EIF4G3: variants seen among roughly 807,000 people sequenced by gnomAD.
The protein encoded by EIF4G3 is eukaryotic translation initiation factor 4 gamma 3.
Under a neutral mutation model 186.4 loss-of-function variants are expected in EIF4G3, and 34 were observed. The ratio of observed to expected loss-of-function variants is 0.18; its 90% confidence interval spans 0.14 to 0.24. The LOEUF (loss-of-function observed/expected upper bound fraction) is 0.24, where lower values mean the gene tolerates loss of function less well. Among genes scored for constraint, EIF4G3 ranks in the 10% least tolerant of loss-of-function variants. The pLI is 1.00. For synonymous variants in EIF4G3, 673 were observed against 679.5 expected (o/e 0.99, Z 0.15); for missense variants, 1,536 against 1,948.5 (o/e 0.79, Z 3.99).
chr1:21,008,120 G>A (rs966128264), intron 4 of EIF4G3, among the ~76,000 whole-genome samples: 1 of 152,244 alleles, frequency 6.6e-6, no homozygotes, highest in East Asian at 1.9e-4. Context: ...CAGCCTGGGC[G>A]ACAGAGTGAG....
At chr1:20,845,402 C>T (rs1042328488) in intron 29 of EIF4G3, among the ~76,000 whole-genome samples, 2 of 152,166 alleles carry the variant, frequency 1.3e-5, no homozygotes, top group Non-Finnish European at 2.9e-5. Flanking sequence ...GTGGCTCACG[C>T]CTGTAATCCC....
intron 20 of EIF4G3, among the ~76,000 whole-genome samples, chr1:20,870,072 A>G (rs982246612): frequency 7.7e-6 from 1 of 129,890 alleles, no homozygotes; most frequent in African/African-American, 2.7e-5. Context: ...ATCTCTGATC[A>G]TTTTTTCTTC....
intron 14 of EIF4G3, among the ~76,000 whole-genome samples, chr1:20,934,674 A>AC (rs2095459672): frequency 2.6e-5 from 4 of 152,084 alleles, no homozygotes; most frequent in South Asian, 2.1e-4. Context: ...ACACCACTGT[A>AC]AGTGGTGTGA....
chr1:20,845,759 G>T (rs980960682), intron 29 of EIF4G3, among the ~76,000 whole-genome samples: 13 of 151,972 alleles, frequency 8.6e-5, no homozygotes, highest in Admixed American at 4.6e-4. Context: ...TGTTCTTTTT[G>T]CTTACGACTG....
rs558575220 is a variant in EIF4G3, at chr1:21,087,345, G to A, written c.-196+1793C>T. ...CTTTTAAATTTTCTTTCATATGGCT[G>A]GGCATGGTGGCTCACGCCTGTAATC... On this transcript the variant is annotated intron_variant, in intron 3 of 36. Transcript: ENST00000602326. 5.2e-4 allele frequency among the ~76,000 whole-genome samples: 79 copies of A among 152,236 alleles called. 1 individual carries two copies. In the South Asian group the frequency reaches 0.012, roughly 24 times the overall value.
intron 2 of EIF4G3, among the ~76,000 whole-genome samples, chr1:21,118,851 A>C (rs962110383): frequency 2.0e-5 from 3 of 148,644 alleles, no homozygotes; most frequent in African/African-American, 7.4e-5. Flanking sequence ...CTATAGTTCC[A>C]GCTATAGGTG....
intron 30 of EIF4G3, among the ~76,000 whole-genome samples, chr1:20,835,903 C>T (rs751399556): frequency 4.4e-4 from 66 of 151,696 alleles, no homozygotes; most frequent in Admixed American, 6.6e-4. Context: ...AGCCACTGCA[C>T]TCCAACCTGG....
chr1:20,876,222 C>CAAA lies in EIF4G3; in HGVS notation c.2622+3098_2622+3100dup, dbSNP rs34150070. Among the ~76,000 whole-genome samples the CAAA allele has an allele frequency of 1.1e-3, 16 of 13,990 alleles. 1 individual carries two copies. Among genetic ancestry groups the CAAA allele is most frequent in the African/African-American group, 1.8e-3 (8 of 4,418 alleles). 9.2% of individuals were successfully genotyped at this position (13,990 alleles called of 152,430 possible). On this transcript the variant is annotated intron_variant, in intron 20 of 36. Transcript: ENST00000602326. ...TGGGATATAGAGTGAGAGCCTGTCT[C>CAAA]AAAAAAAAAAAAAAAAAAAAAAAAA...
intron 2 of EIF4G3, among the ~76,000 whole-genome samples, chr1:21,133,151 T>C (rs879719874): frequency 6.6e-6 from 1 of 152,172 alleles, no homozygotes; most frequent in Non-Finnish European, 1.5e-5. Context: ...TAAACAAAAA[T>C]GACAATGTAG....
chr1:20,929,967 A>G (rs909522525), intron 14 of EIF4G3, among the ~76,000 whole-genome samples: 2 of 152,228 alleles, frequency 1.3e-5, no homozygotes, highest in African/African-American at 4.8e-5. Flanking sequence ...AATGAAGTTA[A>G]TATTGCAATA....
intron 20 of EIF4G3, among the ~76,000 whole-genome samples, chr1:20,870,915 C>T (rs573163593): frequency 9.2e-5 from 14 of 152,156 alleles, no homozygotes; most frequent in African/African-American, 3.4e-4. Flanking sequence ...TATGGTATGC[C>T]TTAGTAGAGC....
chr1:20,856,096 T>C (rs1199026600), intron 25 of EIF4G3, among the ~76,000 whole-genome samples: 1 of 152,208 alleles, frequency 6.6e-6, no homozygotes, highest in East Asian at 1.9e-4. Context: ...ACTCAAATTG[T>C]ATTCAGCAAT....
intron 4 of EIF4G3, 131 bp downstream of exon 4, chr1:21,050,735 G>A: frequency 3.4e-6 from 2 of 584,304 alleles, no homozygotes; most frequent in South Asian, 2.1e-5. Context: ...AGTCTGAAAA[G>A]ATGCCAAAGA....
At chr1:21,002,990 C>T (rs202194813) in intron 4 of EIF4G3, among the ~76,000 whole-genome samples, 182 bp from the exon 5 acceptor site, 4 of 141,192 alleles carry the variant, frequency 2.8e-5, no homozygotes, top group Non-Finnish European at 3.1e-5. Flanking sequence ...CCTTTTCTTT[C>T]TTTTTTTTTT....
chr1:21,067,332 C>T (rs966761879), intron 3 of EIF4G3, among the ~76,000 whole-genome samples: 1 of 151,890 alleles, frequency 6.6e-6, no homozygotes, highest in Non-Finnish European at 1.5e-5. Context: ...GGGTTTTCAC[C>T]GTGTTGGCCA....
chr1:21,009,445 T>C (rs1435558720), intron 4 of EIF4G3, among the ~76,000 whole-genome samples: 1 of 150,470 alleles, frequency 6.6e-6, no homozygotes, highest in African/African-American at 2.5e-5. Context: ...CCTCCCAAAG[T>C]GTTGGGATTA....
At chr1:21,143,052 C>T (rs1049480243) in intron 2 of EIF4G3, among the ~76,000 whole-genome samples, 2 of 151,994 alleles carry the variant, frequency 1.3e-5, no homozygotes, top group Non-Finnish European at 2.9e-5. Context: ...AGTTCAAGAC[C>T]AGCCTGACCA....
At chr1:21,008,203 A>G (rs2154569552) in intron 4 of EIF4G3, among the ~76,000 whole-genome samples, 2 of 152,366 alleles carry the variant, frequency 1.3e-5, no homozygotes, top group South Asian at 4.1e-4. Flanking sequence ...TATTTTATAG[A>G]GTTCTAAATA....
intron 14 of EIF4G3, among the ~76,000 whole-genome samples, chr1:20,923,809 CTATATATATA>C (rs10587649): frequency 9.6e-4 from 138 of 143,916 alleles, no homozygotes; most frequent in African/African-American, 3.4e-3. Context: ...TTACCCATCC[CTATATATATA>C]TATATATATA....
Sources: allele counts gnomAD v4.1 joint callset (sites outside exome capture counted in the v4.1 genomes callset), GRCh38; gene constraint gnomAD v4.1.1; transcripts MANE v1.5; gene names NCBI Gene and HGNC (gene_info 2026-07-23, HGNC 2026-07-21).